Variants in DNAJC15 observed in about 807,000 individuals in gnomAD.
The protein encoded by DNAJC15 is dnaJ homolog subfamily C member 15.
DNAJC15 carries 27 observed loss-of-function variants against 22.4 expected under a neutral mutation model. The observed-to-expected ratio is 1.20, with a 90% CI of 0.89 to 1.66. The LOEUF (loss-of-function observed/expected upper bound fraction) is 1.66. DNAJC15 is among the 40% of genes most tolerant of loss of function. The pLI is 0.00. For synonymous variants in DNAJC15, 79 were observed against 63.2 expected (o/e 1.25, Z -1.19); for missense variants, 208 against 187.1 (o/e 1.11, Z -0.65).
intron 5 of DNAJC15, among the ~76,000 whole-genome samples, chr13:43,099,574 C>G (rs1024280575): frequency 1.3e-5 from 2 of 152,108 alleles, no homozygotes; most frequent in African/African-American, 4.8e-5. Flanking sequence ...TCCTAGTTTG[C>G]TAGGTGCTTT....
In DNAJC15 at chr13:43,099,905, T is replaced by A. The variant is rs1051461087; in HGVS notation, c.383-7273T>A. On this transcript the variant is annotated intron_variant, in intron 5 of 5. Transcript: ENST00000379221. ...ATTGATCAGTAGCTTTCTTATGATA[T>A]CTTTGTCTGGTTTTGGTGTGAAGAT... Among the ~76,000 whole-genome samples the A allele has an allele frequency of 3.3e-5, 5 of 152,272 alleles. No homozygotes were observed. In the South Asian group the frequency reaches 6.2e-4, roughly 19 times the overall value.
Position 43,068,940 on chromosome 13 carries a change from A to G in DNAJC15, c.171A>G (p.Ala57=), listed in dbSNP as rs1423805278. Residue 57 remains alanine (A), a synonymous_variant, in exon 3 of 6, where the codon GCA becomes GCG. Coordinates refer to ENST00000379221, the MANE Select transcript of DNAJC15 (RefSeq NM_013238.3). ...CCCTTTACTATTTAGGTCGCTACGC[A>G]TTTCGGATCTGGAAACCTCTAGAAC... The part of the protein sequence containing the change: ...VAALAFAGRY[A]FRIWKPLEQV... The G allele has an allele frequency of 3.7e-6, 6 of 1,612,692 alleles. No individual in the cohort carries two copies. Among genetic ancestry groups the G allele is most frequent in the Admixed American group, 1.7e-5 (1 of 59,802 alleles).
At chr13:43,104,581 C>T (rs1355877897) in intron 5 of DNAJC15, among the ~76,000 whole-genome samples, 7 of 152,100 alleles carry the variant, frequency 4.6e-5, no homozygotes, top group Non-Finnish European at 8.8e-5. Flanking sequence ...TACAGAAATA[C>T]TAAGGGTGAA....
At chr13:43,062,979 A>G (rs2040566035) in intron 1 of DNAJC15, among the ~76,000 whole-genome samples, 1 of 151,672 alleles carries the variant, frequency 6.6e-6, no homozygotes, top group Admixed American at 6.6e-5. Context: ...TCGGCTTCCC[A>G]AAGTGCTGGG....
chr13:43,091,136 G>GT (rs1482926557), intron 5 of DNAJC15, among the ~76,000 whole-genome samples: 1 of 151,864 alleles, frequency 6.6e-6, no homozygotes, highest in African/African-American at 2.4e-5. Context: ...CTAGGCTGGA[G>GT]TGCAGTGGCA....
intron 4 of DNAJC15, chr13:43,078,894 G>A (rs2040648581): frequency 8.0e-6 from 3 of 372,722 alleles, no homozygotes; most frequent in Non-Finnish European, 1.5e-5. Context: ...AAAAAAACAG[G>A]CAAAGTTGTG....
intron 4 of DNAJC15, 102 bp downstream of exon 4, chr13:43,078,790 T>G: frequency 1.1e-6 from 1 of 926,872 alleles, no homozygotes; most frequent in Non-Finnish European, 1.6e-6. Context: ...AAATTATGAG[T>G]AGGTGGCAGA....
chr13:43,088,411 T>TC (rs2040699147), intron 5 of DNAJC15, among the ~76,000 whole-genome samples: 1 of 152,186 alleles, frequency 6.6e-6, no homozygotes. Flanking sequence ...CTTCAAGACT[T>TC]TTAGTGATTA....
chr13:43,072,227 C>CGA (rs2040612618), intron 3 of DNAJC15, among the ~76,000 whole-genome samples: 1 of 152,092 alleles, frequency 6.6e-6, no homozygotes, highest in African/African-American at 2.4e-5. Flanking sequence ...TTTTCTCTTT[C>CGA]TTACTGATGT....
chr13:43,102,102 G>T (rs760592690), intron 5 of DNAJC15, among the ~76,000 whole-genome samples: 35 of 151,886 alleles, frequency 2.3e-4, no homozygotes, highest in South Asian at 4.2e-4. Context: ...AATTTTTTTT[G>T]ATTTTTTAAT....
At chr13:43,095,348 C>A (rs1244706580) in intron 5 of DNAJC15, among the ~76,000 whole-genome samples, 1 of 152,118 alleles carries the variant, frequency 6.6e-6, no homozygotes, top group African/African-American at 2.4e-5. Flanking sequence ...GAGCTATTTA[C>A]TGAAATGGGG....
At chr13:43,086,533 C>A (rs557576361) in intron 5 of DNAJC15, among the ~76,000 whole-genome samples, 2 of 152,116 alleles carry the variant, frequency 1.3e-5, no homozygotes, top group East Asian at 3.9e-4. Flanking sequence ...CTAATTATTT[C>A]AAAAAAATTA....
chr13:43,040,584 C>T (rs1477899671), intron 1 of DNAJC15, among the ~76,000 whole-genome samples: 4 of 151,964 alleles, frequency 2.6e-5, no homozygotes, highest in African/African-American at 9.7e-5. Context: ...GGGCGTTTCT[C>T]GTTAGGTGGA....
chr13:43,054,999 A>G (rs1456687133), intron 1 of DNAJC15, among the ~76,000 whole-genome samples: 3 of 151,452 alleles, frequency 2.0e-5, no homozygotes, highest in Non-Finnish European at 4.4e-5. Context: ...AATGGGCCCC[A>G]GTAAAAACAG....
intron 5 of DNAJC15, among the ~76,000 whole-genome samples, chr13:43,105,942 C>G (rs192021301): frequency 6.6e-6 from 1 of 152,128 alleles, no homozygotes; most frequent in African/African-American, 2.4e-5. Flanking sequence ...ATGATATATT[C>G]CATAAGTGTT....
At chr13:43,074,633 G>A (rs34503081) in intron 3 of DNAJC15, among the ~76,000 whole-genome samples, 17 of 152,096 alleles carry the variant, frequency 1.1e-4, no homozygotes, top group Non-Finnish European at 2.2e-4. Context: ...TTATTAGTGG[G>A]GAGGAGTACA....
chr13:43,038,804 A>G (rs1307497909), intron 1 of DNAJC15, among the ~76,000 whole-genome samples: 1 of 94,346 alleles, frequency 1.1e-5, no homozygotes, highest in South Asian at 5.2e-4. Context: ...AAAATAGGAA[A>G]AAAAAAAAAA....
chr13:43,052,419 G>T (rs1327488010), intron 1 of DNAJC15, among the ~76,000 whole-genome samples: 1 of 151,162 alleles, frequency 6.6e-6, no homozygotes, highest in Admixed American at 6.6e-5. Flanking sequence ...TCATGTCTTA[G>T]CCCACTTTTT....
In DNAJC15 at chr13:43,113,334, A is replaced by C. The variant is rs1296037626; in HGVS notation, c.*6086A>C. 3 of 152,232 alleles carry C rather than the reference A, an allele frequency of 2.0e-5. No homozygotes were observed. The East Asian group carries it at 5.8e-4, about 29-fold the overall frequency. 9.4% of individuals were successfully genotyped at this position (152,232 alleles called of 1,614,324 possible). ...TTTCAGTACTTTTATAGAATTCTTAAAAATTGTTTCCTGCTGTTTATTTTC... is the reference window on the plus strand; with the variant it reads ...TTTCAGTACTTTTATAGAATTCTTACAAATTGTTTCCTGCTGTTTATTTTC... On this transcript the variant is annotated 3_prime_UTR_variant, in exon 6 of 6. Coordinates refer to ENST00000379221, the MANE Select transcript of DNAJC15 (RefSeq NM_013238.3).
Sources: gnomAD v4.1 joint callset for allele counts (sites outside exome capture counted in the v4.1 genomes callset) on GRCh38, gnomAD v4.1.1 for gene constraint, MANE v1.5 for transcripts, NCBI Gene and HGNC (gene_info 2026-07-23, HGNC 2026-07-21) for gene names.